FBXL17: variants seen among roughly 807,000 people sequenced by gnomAD.
The protein encoded by FBXL17 is F-box and leucine rich repeat protein 17.
FBXL17 carries 22 observed loss-of-function variants against 66.2 expected under a neutral mutation model. The ratio of observed to expected loss-of-function variants is 0.33; its 90% CI spans 0.24 to 0.47. The LOEUF is 0.47. FBXL17 is among the 20% of genes least tolerant of loss of function. The pLI is 1.00. For missense variants in FBXL17, 878 were observed against 948.2 expected (o/e 0.93, Z 0.97); for synonymous variants, 474 against 400.5 (o/e 1.18, Z -2.19).
intron 2 of FBXL17, among the ~76,000 whole-genome samples, chr5:108,367,153 T>C (rs1369476148): frequency 2.0e-5 from 3 of 152,140 alleles, no homozygotes; most frequent in African/African-American, 2.4e-5. Flanking sequence ...GCTATTCTTA[T>C]TGACATTTTT....
intron 4 of FBXL17, among the ~76,000 whole-genome samples, chr5:108,266,614 C>T (rs1757056225): frequency 6.6e-6 from 1 of 152,048 alleles, no homozygotes; most frequent in South Asian, 2.1e-4. Flanking sequence ...AACGTGCTTC[C>T]TTTAAGTAAA....
chr5:108,156,619 T>A (rs941255974), intron 6 of FBXL17, among the ~76,000 whole-genome samples: 1 of 151,984 alleles, frequency 6.6e-6, no homozygotes, highest in African/African-American at 2.4e-5. Flanking sequence ...TTTCCTTACT[T>A]AAAGAAATTA....
intron 6 of FBXL17, among the ~76,000 whole-genome samples, chr5:108,079,749 G>A (rs971665598): frequency 6.6e-6 from 1 of 152,132 alleles, no homozygotes; most frequent in Non-Finnish European, 1.5e-5. Flanking sequence ...TTTCACAGGG[G>A]GTTTAGAAGT....
At chr5:108,330,647 CCTT>C (rs1432547921) in intron 4 of FBXL17, among the ~76,000 whole-genome samples, 2 of 152,100 alleles carry the variant, frequency 1.3e-5, no homozygotes, top group African/African-American at 4.8e-5. Context: ...AAAAAACTCC[CCTT>C]CTAATAAACT....
At chr5:108,313,839 A>G (rs1759234351) in intron 4 of FBXL17, among the ~76,000 whole-genome samples, 1 of 151,922 alleles carries the variant, frequency 6.6e-6, no homozygotes. Flanking sequence ...AACAATTAAT[A>G]CAGTATTCTA....
At chr5:108,151,011 T>A (rs1751752603) in intron 6 of FBXL17, among the ~76,000 whole-genome samples, 1 of 152,184 alleles carries the variant, frequency 6.6e-6, no homozygotes, top group Admixed American at 6.5e-5. Flanking sequence ...GGTTGTTACA[T>A]TAACCAGTCT....
At chr5:107,961,203 CTTTTT>C (rs1751891621) in intron 7 of FBXL17, among the ~76,000 whole-genome samples, 3 of 151,392 alleles carry the variant, frequency 2.0e-5, no homozygotes, top group African/African-American at 7.3e-5. Flanking sequence ...TTCTTTTTTT[CTTTTT>C]CTTTTCTTTT....
rs561862351 is a variant in FBXL17 at position 107,908,766 on chromosome 5, T to C, written c.1823-27587A>G. ...TTCAATGAGCATATGAGGGAGCCTT[T>C]ATATCTCTGGAAAGAAACCGCTAGC... is the stretch of plus-strand genomic sequence containing the variant. On this transcript the variant is annotated intron_variant, in intron 7 of 8. Coordinates refer to ENST00000542267, the MANE Select transcript of FBXL17 (RefSeq NM_001163315.3). 7.2e-5 allele frequency among the ~76,000 whole-genome samples: 11 copies of C among 152,280 alleles called. No individual in the cohort carries two copies. The East Asian group carries it at 2.1e-3, about 29-fold the overall frequency.
chr5:108,034,662 G>T (rs183562360), intron 6 of FBXL17, among the ~76,000 whole-genome samples: 181 of 151,974 alleles, frequency 1.2e-3, no homozygotes, highest in Non-Finnish European at 2.0e-3. Flanking sequence ...TAAAACCTTA[G>T]AAGTTTTCAA....
At chr5:108,147,277 C>G (rs994530774) in intron 6 of FBXL17, among the ~76,000 whole-genome samples, 2 of 152,212 alleles carry the variant, frequency 1.3e-5, no homozygotes, top group African/African-American at 4.8e-5. Flanking sequence ...GCAACAACGT[C>G]TTTCTCTGTC....
intron 2 of FBXL17, 42 bp downstream of exon 2, chr5:108,367,789 T>G (rs1748767449): frequency 3.4e-6 from 5 of 1,488,228 alleles, no homozygotes; most frequent in Non-Finnish European, 4.5e-6. Context: ...AGATATTTTT[T>G]GAGTAGGTCA....
intron 6 of FBXL17, among the ~76,000 whole-genome samples, chr5:108,030,404 G>A (rs1245983752): frequency 6.6e-6 from 1 of 152,120 alleles, no homozygotes; most frequent in African/African-American, 2.4e-5. Flanking sequence ...GAAAGGAGAA[G>A]GCACATTTCA....
intron 4 of FBXL17, among the ~76,000 whole-genome samples, chr5:108,293,574 T>C (rs1283907472): frequency 1.3e-5 from 2 of 152,190 alleles, no homozygotes; most frequent in Non-Finnish European, 2.9e-5. Context: ...GAAGATTATA[T>C]GCTTAAGTAA....
chr5:108,151,318 C>G (rs1384543707), intron 6 of FBXL17, among the ~76,000 whole-genome samples: 1 of 152,120 alleles, frequency 6.6e-6, no homozygotes, highest in Non-Finnish European at 1.5e-5. Context: ...CACATTTGAG[C>G]CTATCAGACT....
At chr5:108,109,382 A>C (rs2149951030) in intron 6 of FBXL17, among the ~76,000 whole-genome samples, 1 of 152,282 alleles carries the variant, frequency 6.6e-6, no homozygotes, top group African/African-American at 2.4e-5. Flanking sequence ...TGATACAGGG[A>C]CACAGAGAAG....
At chr5:108,069,504 A>G (rs1258676923) in intron 6 of FBXL17, among the ~76,000 whole-genome samples, 1 of 152,218 alleles carries the variant, frequency 6.6e-6, no homozygotes, top group Non-Finnish European at 1.5e-5. Context: ...GTTTTTGTGT[A>G]TATGCATCAG....
intron 7 of FBXL17, among the ~76,000 whole-genome samples, chr5:108,011,687 G>T (rs986762792): frequency 6.6e-6 from 1 of 152,164 alleles, no homozygotes. Context: ...AGCCGGTCAT[G>T]GTGGTACGTG....
At chr5:108,012,484 A>T (rs892833990) in intron 7 of FBXL17, among the ~76,000 whole-genome samples, 1 of 152,174 alleles carries the variant, frequency 6.6e-6, no homozygotes, top group Non-Finnish European at 1.5e-5. Flanking sequence ...GTTTTTTCAT[A>T]TGCAGATTAA....
intron 6 of FBXL17, among the ~76,000 whole-genome samples, chr5:108,148,952 T>C (rs1751665355): frequency 6.6e-6 from 1 of 152,240 alleles, no homozygotes; most frequent in Non-Finnish European, 1.5e-5. Flanking sequence ...GTCAGTCCTG[T>C]GTTATGTAAA....
Sources: gnomAD v4.1 joint callset for allele counts (sites outside exome capture counted in the v4.1 genomes callset) on GRCh38, gnomAD v4.1.1 for gene constraint, MANE v1.5 for transcripts, NCBI Gene and HGNC (gene_info 2026-07-23, HGNC 2026-07-21) for gene names.